GPM6A: variants seen among roughly 807,000 people sequenced by gnomAD.
The protein encoded by GPM6A is glycoprotein M6A.
GPM6A carries 7 observed loss-of-function variants against 32.1 expected under a neutral mutation model. The observed-to-expected ratio is 0.22, with a 90% confidence interval of 0.12 to 0.41. GPM6A has a LOEUF of 0.41. Among genes scored for constraint, GPM6A ranks in the 10% least tolerant of loss-of-function variants. GPM6A has a pLI of 1.00. For missense variants in GPM6A, 235 were observed against 347.2 expected, an observed-to-expected ratio of 0.68 and a Z score of 2.57; for synonymous variants, 130 against 123.4, an observed-to-expected ratio of 1.05 and a Z score of -0.35.
chr4:175,921,756 A>C (rs146085379), intron 1 of GPM6A, among the ~76,000 whole-genome samples: 31 of 152,332 alleles, frequency 2.0e-4, no homozygotes, highest in African/African-American at 7.2e-4. Context: ...TTGCTGCACT[A>C]GCTTTCTTGC....
intron 1 of GPM6A, among the ~76,000 whole-genome samples, chr4:175,849,631 T>A (rs1455858371): frequency 6.6e-6 from 1 of 152,230 alleles, no homozygotes; most frequent in Admixed American, 6.5e-5. Context: ...CTAATAATCA[T>A]TTCTTCATAA....
chr4:175,871,076 AT>A (rs1230726411), intron 1 of GPM6A, among the ~76,000 whole-genome samples: 3 of 152,064 alleles, frequency 2.0e-5, no homozygotes, highest in Admixed American at 2.0e-4. Context: ...ATGCTAGAGT[AT>A]TCTGGTGCTT....
chr4:175,962,579 C>T (rs894939788), intron 1 of GPM6A: 5 of 311,288 alleles, frequency 1.6e-5, no homozygotes, highest in African/African-American at 8.6e-5. Flanking sequence ...CTCATTACTA[C>T]TTTGGTTTCT....
intron 1 of GPM6A, among the ~76,000 whole-genome samples, chr4:175,709,749 T>A (rs941297934): frequency 5.5e-5 from 8 of 144,864 alleles, no homozygotes; most frequent in Admixed American, 3.5e-4. Context: ...AAAAAAAAAA[T>A]TCAATGACTT....
intron 3 of GPM6A, among the ~76,000 whole-genome samples, chr4:175,654,580 G>A (rs955344992): frequency 6.6e-6 from 1 of 152,056 alleles, no homozygotes; most frequent in Non-Finnish European, 1.5e-5. Context: ...AAAGGAATTA[G>A]ATTTCATTTC....
At chr4:175,890,915 T>C (rs539576339) in intron 1 of GPM6A, among the ~76,000 whole-genome samples, 50 of 152,234 alleles carry the variant, frequency 3.3e-4, no homozygotes, top group African/African-American at 1.1e-3. Flanking sequence ...TGATAACATT[T>C]ATATACATTT....
At chr4:175,679,519 G>T (rs781352653) in intron 2 of GPM6A, among the ~76,000 whole-genome samples, 22 of 151,972 alleles carry the variant, frequency 1.4e-4, no homozygotes, top group African/African-American at 5.3e-4. Context: ...TCTTGCTCCC[G>T]GTCAAAACTT....
At chr4:175,941,196 A>G (rs980087963) in intron 1 of GPM6A, among the ~76,000 whole-genome samples, 3 of 152,218 alleles carry the variant, frequency 2.0e-5, no homozygotes, top group African/African-American at 7.2e-5. Context: ...GCTTAGTCAC[A>G]GAAATCTAAC....
rs1463440251 is a variant in GPM6A, at chr4:175,651,364, T to A, written c.541+470A>T. ...AGCAGACTCCTAATTTATTTAGCGTTTTTTTTTTTGTTTTTATTATTATTA... is the reference window on the plus strand; with the variant it reads ...AGCAGACTCCTAATTTATTTAGCGTATTTTTTTTTGTTTTTATTATTATTA... On this transcript the variant is annotated intron_variant, in intron 4 of 6. Transcript: ENST00000393658. 3.5e-3 allele frequency among the ~76,000 whole-genome samples: 6 copies of A among 1,718 alleles called. No homozygotes were observed. In the African/African-American group the frequency reaches 0.12, roughly 33 times the overall value. 1.1% of individuals were successfully genotyped at this position (1,718 alleles called of 152,430 possible).
chr4:175,930,862 TG>T (rs1293069499), intron 1 of GPM6A, among the ~76,000 whole-genome samples: 1 of 152,086 alleles, frequency 6.6e-6, no homozygotes, highest in African/African-American at 2.4e-5. Flanking sequence ...AATAACTATG[TG>T]GCACTATGTA....
At chr4:175,656,259 G>A (rs1285058744) in intron 3 of GPM6A, among the ~76,000 whole-genome samples, 1 of 152,004 alleles carries the variant, frequency 6.6e-6, no homozygotes, top group African/African-American at 2.4e-5. Context: ...GATAAAGATT[G>A]GGTGCTATAT....
intron 1 of GPM6A, among the ~76,000 whole-genome samples, chr4:175,748,468 G>A (rs529788352): frequency 1.6e-4 from 25 of 152,302 alleles, no homozygotes; most frequent in African/African-American, 4.1e-4. Context: ...CAGAGCACTC[G>A]GGTGACAAAG....
At chr4:175,806,166 A>C (rs908997679) in intron 1 of GPM6A, 2 of 152,324 alleles carry the variant, frequency 1.3e-5, no homozygotes, top group East Asian at 3.9e-4. Flanking sequence ...CTTGGGGGAA[A>C]ATGGAGTTCG....
At chr4:175,931,998 A>T (rs1032390370) in intron 1 of GPM6A, among the ~76,000 whole-genome samples, 1 of 151,696 alleles carries the variant, frequency 6.6e-6, no homozygotes, top group Admixed American at 6.6e-5. Context: ...AAGCTCAGGC[A>T]GGAGCCCAAT....
At chr4:175,791,041 G>A (rs185412152) in intron 1 of GPM6A, among the ~76,000 whole-genome samples, 356 of 152,144 alleles carry the variant, frequency 2.3e-3, no homozygotes, top group African/African-American at 8.0e-3. Flanking sequence ...CAATATGAAT[G>A]TACCTATTTT....
At chr4:175,925,395 T>C (rs1188620317) in intron 1 of GPM6A, among the ~76,000 whole-genome samples, 1 of 152,120 alleles carries the variant, frequency 6.6e-6, no homozygotes, top group African/African-American at 2.4e-5. Flanking sequence ...AGTTAAATAA[T>C]CCTGTGTCAT....
At chr4:175,904,439 T>C (rs997359685) in intron 1 of GPM6A, among the ~76,000 whole-genome samples, 6 of 152,090 alleles carry the variant, frequency 3.9e-5, no homozygotes, top group East Asian at 1.9e-4. Context: ...TGTATACATA[T>C]ACACACACAT....
chr4:175,696,983 G>C (rs1744617239), intron 2 of GPM6A, among the ~76,000 whole-genome samples: 1 of 152,032 alleles, frequency 6.6e-6, no homozygotes, highest in African/African-American at 2.4e-5. Flanking sequence ...TTTTATATGT[G>C]CATGCAATAT....
intron 1 of GPM6A, among the ~76,000 whole-genome samples, chr4:175,725,362 G>C (rs945310450): frequency 4.6e-5 from 7 of 151,400 alleles, no homozygotes; most frequent in Admixed American, 2.0e-4. Flanking sequence ...CGCCATCATG[G>C]CTCACTGCAG....
Sources: gnomAD v4.1 joint callset for allele counts (sites outside exome capture counted in the v4.1 genomes callset) on GRCh38, gnomAD v4.1.1 for gene constraint, MANE v1.5 for transcripts, NCBI Gene and HGNC (gene_info 2026-07-23, HGNC 2026-07-21) for gene names.